The following POLI variants were observed in gnomAD, a reference collection of about 807,000 sequenced individuals.
POLI encodes the protein RAD30 homolog B.
A neutral mutation model predicts 51.6 loss-of-function variants in POLI; 58 were observed. The ratio of observed to expected loss-of-function variants is 1.12; its 90% CI spans 0.91 to 1.40. POLI has a LOEUF of 1.40. Ranked by LOEUF, POLI falls within the 40% of genes most tolerant of loss-of-function variation. The pLI, the probability that POLI is intolerant of heterozygous loss-of-function variation, is 0.00. For missense variants in POLI, 921 were observed against 871.3 expected, an observed-to-expected ratio of 1.06 and a Z score of -0.72; for synonymous variants, 322 against 299.7, an observed-to-expected ratio of 1.07 and a Z score of -0.77.
chr18:54,296,061 T>C lies in POLI; in HGVS notation c.*1594T>C. The C allele has an allele frequency of 1.0e-6, 1 of 985,172 alleles. No homozygotes were observed. The highest frequency in any genetic ancestry group is 4.7e-5 in the South Asian group (1 of 21,284). 61.0% of individuals were successfully genotyped at this position (985,172 alleles called of 1,614,324 possible). Reference sequence around the variant, plus strand: ...CAAGAACATCAGAAATTGTTCACCATGCAAATATTTAGTACTCTGAATCAA... The same window carrying C: ...CAAGAACATCAGAAATTGTTCACCACGCAAATATTTAGTACTCTGAATCAA... On this transcript the variant is annotated 3_prime_UTR_variant, in exon 10 of 10. Transcript: ENST00000579534.
At chr18:54,300,474 A>C (rs1164534447), downstream of POLI, among the ~76,000 whole-genome samples, 1 of 152,116 alleles carries the variant, frequency 6.6e-6, no homozygotes. Context: ...TTTAATTAAT[A>C]AGCCAGTAAA....
At chr18:54,307,905 C>G (rs937992704) in intron 3 of POLI, among the ~76,000 whole-genome samples, 40 of 121,140 alleles carry the variant, frequency 3.3e-4, no homozygotes, top group South Asian at 1.4e-3. Flanking sequence ...ATTTCAACCC[C>G]TGTTTTTTTT....
downstream of POLI, among the ~76,000 whole-genome samples, chr18:54,299,065 C>T (rs550201278): frequency 2.4e-4 from 37 of 152,252 alleles, no homozygotes; most frequent in African/African-American, 8.9e-4. Flanking sequence ...ATAGCTTAGC[C>T]AGGCCTACCT....
chr18:54,287,204 A>T, intron 7 of POLI, 77 bp from the exon 8 acceptor site: 1 of 1,047,110 alleles, frequency 9.6e-7, no homozygotes, highest in Non-Finnish European at 1.4e-6. Context: ...TGGCACCTTT[A>T]GATAAATGAG....
At chr18:54,274,754 A>G (rs1161813229) in intron 3 of POLI, 2 of 152,164 alleles carry the variant, frequency 1.3e-5, no homozygotes, top group Admixed American at 6.5e-5. Context: ...AACCGCAATT[A>G]CTTAATATAT....
At chr18:54,307,120 G>A (rs545367137) in intron 3 of POLI, among the ~76,000 whole-genome samples, 3 of 151,958 alleles carry the variant, frequency 2.0e-5, no homozygotes, top group Non-Finnish European at 4.4e-5. Flanking sequence ...GTTATTTCTT[G>A]CCTTCTGCTA....
At chr18:54,311,826 T>G (rs2088673996) in intron 3 of POLI, among the ~76,000 whole-genome samples, 1 of 152,206 alleles carries the variant, frequency 6.6e-6, no homozygotes, top group African/African-American at 2.4e-5. Context: ...CCCATGAAAT[T>G]GTGCACAAAA....
At chr18:54,282,715 G>T in intron 5 of POLI, 122 bp from the exon 6 acceptor site, 1 of 600,706 alleles carries the variant, frequency 1.7e-6, no homozygotes. Flanking sequence ...CTGTGGATAA[G>T]GGGGGACTAC....
intron 8 of POLI, among the ~76,000 whole-genome samples, chr18:54,290,725 C>A (rs564599): frequency 0.25 from 38,492 of 151,902 alleles, 5,087 homozygotes; most frequent in Middle Eastern, 0.3. Flanking sequence ...AAACTATCAC[C>A]AGGATAGAAA....
chr18:54,284,523 A>G (rs2144535620), intron 7 of POLI: 1 of 152,378 alleles, frequency 6.6e-6, no homozygotes, highest in Non-Finnish European at 1.5e-5. Flanking sequence ...AAAAAAATGC[A>G]AAGAGGAATA....
intron 4 of POLI, among the ~76,000 whole-genome samples, chr18:54,279,542 C>T (rs1279183688): frequency 1.3e-5 from 2 of 152,072 alleles, no homozygotes; most frequent in Non-Finnish European, 2.9e-5. Flanking sequence ...TACTCCTGGC[C>T]CATTATGTCC....
In POLI at chr18:54,297,512, G is replaced by A; in HGVS notation, c.*3045G>A. 1 of 981,516 alleles carries A rather than the reference G, an allele frequency of 1.0e-6. No homozygotes were observed. Among genetic ancestry groups the A allele is most frequent in the Non-Finnish European group, 1.2e-6 (1 of 826,592 alleles). 60.8% of individuals were successfully genotyped at this position (981,516 alleles called of 1,614,324 possible). A position where few individuals can be genotyped will look rare whatever the true frequency, so the allele number is the denominator to read the frequency against. On this transcript the variant is annotated 3_prime_UTR_variant, in exon 10 of 10. Coordinates refer to ENST00000579534, the MANE Select transcript of POLI (RefSeq NM_007195.3). ...AACTCTAAAAAGTATCTATTCCACT[G>A]TAGTGCCAAAGTACAAATTTATTTG... is the stretch of plus-strand genomic sequence containing the variant.
At chr18:54,320,810 A>AT (rs34603554) in intron 4 of POLI, among the ~76,000 whole-genome samples, 38 of 148,808 alleles carry the variant, frequency 2.6e-4, no homozygotes, top group East Asian at 9.8e-4. Context: ...AGGCTTTTCT[A>AT]TTTTTTTTTT....
chr18:54,288,065 A>T (rs969428165), intron 8 of POLI, among the ~76,000 whole-genome samples: 1 of 152,208 alleles, frequency 6.6e-6, no homozygotes, highest in Admixed American at 6.5e-5. Context: ...AAAGAGTGGA[A>T]TTGCTGGATC....
intron 7 of POLI, 93 bp downstream of exon 7, chr18:54,284,106 CAG>C: frequency 1.9e-6 from 1 of 532,288 alleles, no homozygotes. Flanking sequence ...TTGGAACTGA[CAG>C]ATTATCTGGA....
rs3730674 is a variant in POLI, at chr18:54,270,153, C to T, written c.115+492C>T. On this transcript the variant is annotated intron_variant, in intron 1 of 9. Transcript: ENST00000579534. ...GCTCTGGTCTTTACCTTGTACCGCC[C>T]ACCTCAGGGCCTGGATGTAAAGGCA... 358 of 406,408 alleles carry T rather than the reference C, an allele frequency of 8.8e-4. 2 individuals are homozygous for T. The highest frequency in any genetic ancestry group is 7.5e-3 in the African/African-American group (350 of 46,412). The allele number at this position is 406,408 out of a possible 1,614,324, so 25.2% of individuals were successfully genotyped here. A position where few individuals can be genotyped will look rare whatever the true frequency, so the allele number is the denominator to read the frequency against.
At position 54,274,028 on chromosome 18, in the gene POLI, A is replaced by G; in HGVS notation, c.344A>G (p.Gln115Arg). 6.4e-7 allele frequency: 1 copy of G among 1,571,918 alleles called. No homozygotes were observed. Among genetic ancestry groups the G allele is most frequent in the Non-Finnish European group, 8.6e-7 (1 of 1,157,282 alleles). ...AGAGATGCAAAAGAAAAGTGTCCAC[A>G]GTTGGTATTAGTTAATGGAGAAGAC... ...NVRDAKEKCP[Q>R]LVLVNGEDLT... The change falls in exon 3 of 10, where the codon CAG becomes CGG. Residue 115 changes from glutamine to arginine, a missense_variant. Physicochemically the swap from Gln to Arg is conservative, Grantham distance 43 (BLOSUM62 1). Transcript: ENST00000579534.
Position 54,282,885 on chromosome 18 carries a change from G to C in POLI, c.845G>C (p.Ser282Thr), listed in dbSNP as rs369229520. The part of the protein sequence containing the change: ...AKCLEALGIN[S>T]VRDLQTFSPK... ...TGTCTTGAAGCACTGGGTATCAATA[G>C]TGTGCGTGATCTCCAAACCTTTTCA... The change falls in exon 6 of 10, where the codon AGT becomes ACT. Residue 282 changes from serine to threonine, a missense_variant. Physicochemically the swap from Ser to Thr is moderately conservative, Grantham distance 58. Coordinates refer to ENST00000579534, the MANE Select transcript of POLI (RefSeq NM_007195.3). 32 of 1,580,282 alleles carry C rather than the reference G, an allele frequency of 2.0e-5. No homozygotes were observed. Among genetic ancestry groups the C allele is most frequent in the Non-Finnish European group, 2.7e-5 (31 of 1,161,288 alleles).
At chr18:54,271,609 T>G in intron 2 of POLI, 124 bp downstream of exon 2, 2 of 624,644 alleles carry the variant, frequency 3.2e-6, no homozygotes, top group Non-Finnish European at 5.2e-6. Flanking sequence ...TACAGTGCTT[T>G]ATAGCTGGTC....
Sources: gnomAD v4.1 joint callset for allele counts (sites outside exome capture counted in the v4.1 genomes callset) on GRCh38, gnomAD v4.1.1 for gene constraint, MANE v1.5 for transcripts, NCBI Gene and HGNC (gene_info 2026-07-23, HGNC 2026-07-21) for gene names.